CTNND2: variants seen among roughly 807,000 people sequenced by gnomAD.
CTNND2 encodes the protein catenin delta 2, also known as catenin delta-2.
A neutral mutation model predicts 144.4 loss-of-function variants in CTNND2; 22 were observed. The ratio of observed to expected loss-of-function variants is 0.15; its 90% confidence interval spans 0.11 to 0.22. The LOEUF (loss-of-function observed/expected upper bound fraction) is 0.22. Ranked by LOEUF, CTNND2 falls within the 10% of genes least tolerant of loss-of-function variation. The probability of loss-of-function intolerance (pLI) is 1.00; values close to 1 mark genes in which losing one functional copy is unlikely to be tolerated. For synonymous variants in CTNND2, 751 were observed against 695.6 expected, an observed-to-expected ratio of 1.08 and a Z score of -1.25; for missense variants, 1,353 against 1,618.8, an observed-to-expected ratio of 0.84 and a Z score of 2.82.
intron 2 of CTNND2, among the ~76,000 whole-genome samples, chr5:11,609,296 A>G (rs1307416091): frequency 6.6e-6 from 1 of 152,196 alleles, no homozygotes; most frequent in Non-Finnish European, 1.5e-5. Context: ...ATGCCTTCCT[A>G]TCTACTGTCC....
intron 3 of CTNND2, among the ~76,000 whole-genome samples, chr5:11,437,140 A>G (rs1763846462): frequency 6.6e-6 from 1 of 152,214 alleles, no homozygotes. Context: ...ATGTATTTCC[A>G]TCTTTTTAAG....
At chr5:11,553,034 A>G (rs1775902797) in intron 3 of CTNND2, among the ~76,000 whole-genome samples, 1 of 152,168 alleles carries the variant, frequency 6.6e-6, no homozygotes, top group Non-Finnish European at 1.5e-5. Flanking sequence ...AGCGTGCATG[A>G]TTTGGGCAAT....
intron 1 of CTNND2, among the ~76,000 whole-genome samples, chr5:11,770,453 AAGGAAGGAAGGGGT>A (rs1301266617): frequency 3.1e-5 from 3 of 95,822 alleles, no homozygotes; most frequent in Admixed American, 1.1e-4. Context: ...GGAAGGAAGG[AAGGAAGGAAGGGGT>A]AGGGGTAGGG....
intron 8 of CTNND2, among the ~76,000 whole-genome samples, chr5:11,348,672 A>ATTAGCC (rs1561258832): frequency 6.6e-6 from 1 of 152,204 alleles, no homozygotes; most frequent in East Asian, 1.9e-4. Flanking sequence ...CTTTTTGTTA[A>ATTAGCC]GAAAACAACA....
At chr5:11,537,657 T>G (rs540481927) in intron 3 of CTNND2, among the ~76,000 whole-genome samples, 1 of 152,090 alleles carries the variant, frequency 6.6e-6, no homozygotes, top group African/African-American at 2.4e-5. Context: ...CACACTTAGG[T>G]TGGGGAGTTG....
At chr5:11,773,286 G>A (rs7735520) in intron 1 of CTNND2, among the ~76,000 whole-genome samples, 130,720 of 152,166 alleles carry the variant, frequency 0.86, 58,991 homozygotes, top group South Asian at 0.99. Context: ...GCTTTGTGCC[G>A]TACAGGTATT....
At chr5:11,664,573 A>G (rs138062514) in intron 2 of CTNND2, among the ~76,000 whole-genome samples, 6 of 152,318 alleles carry the variant, frequency 3.9e-5, no homozygotes, top group African/African-American at 1.2e-4. Flanking sequence ...GAGTGAAACT[A>G]TATCTCAAAT....
chr5:11,088,149 AG>A (rs2149647056), intron 15 of CTNND2, among the ~76,000 whole-genome samples: 2 of 152,372 alleles, frequency 1.3e-5, no homozygotes, highest in East Asian at 3.9e-4. Flanking sequence ...ACTGGTATCT[AG>A]AAATGCCTTC....
intron 2 of CTNND2, among the ~76,000 whole-genome samples, chr5:11,700,485 G>T (rs924499532): frequency 1.3e-5 from 2 of 152,180 alleles, no homozygotes; most frequent in African/African-American, 4.8e-5. Flanking sequence ...TGGGATCAAT[G>T]ACTTAAAGAA....
intron 2 of CTNND2, among the ~76,000 whole-genome samples, chr5:11,705,545 A>C (rs893492063): frequency 6.6e-6 from 1 of 152,210 alleles, no homozygotes; most frequent in African/African-American, 2.4e-5. Context: ...TATATATCTG[A>C]GTAGTGAGAG....
chr5:11,197,814 T>C (rs1737024200), intron 11 of CTNND2, among the ~76,000 whole-genome samples: 1 of 152,186 alleles, frequency 6.6e-6, no homozygotes, highest in Non-Finnish European at 1.5e-5. Flanking sequence ...CATCTCAACC[T>C]TTGGCACGTG....
chr5:11,637,649 T>C (rs925707621), intron 2 of CTNND2, among the ~76,000 whole-genome samples: 5 of 152,192 alleles, frequency 3.3e-5, no homozygotes, highest in Non-Finnish European at 7.4e-5. Context: ...TAATGACATT[T>C]ATATTTTAGT....
At chr5:11,719,751 T>C (rs1786553633) in intron 2 of CTNND2, among the ~76,000 whole-genome samples, 1 of 151,986 alleles carries the variant, frequency 6.6e-6, no homozygotes, top group Non-Finnish European at 1.5e-5. Flanking sequence ...CTCACAGATA[T>C]TCATTCAGAT....
intron 9 of CTNND2, among the ~76,000 whole-genome samples, chr5:11,259,641 T>C (rs1278170322): frequency 1.3e-5 from 2 of 152,234 alleles, no homozygotes; most frequent in Non-Finnish European, 2.9e-5. Flanking sequence ...CAATGACATA[T>C]AGGAAGAGCT....
chr5:11,042,384 A>T (rs1744766634), intron 16 of CTNND2, among the ~76,000 whole-genome samples: 1 of 152,342 alleles, frequency 6.6e-6, no homozygotes, highest in East Asian at 1.9e-4. Context: ...TCTTGTTCTT[A>T]TGTTATACAC....
chr5:11,864,736 C>T (rs1464687444), intron 1 of CTNND2, among the ~76,000 whole-genome samples: 12 of 152,258 alleles, frequency 7.9e-5, no homozygotes, highest in Middle Eastern at 3.4e-3. Flanking sequence ...CCCTGCCATG[C>T]CTCCTCCACC....
chr5:11,052,837 A>C (rs1745975497), intron 16 of CTNND2, among the ~76,000 whole-genome samples: 1 of 152,104 alleles, frequency 6.6e-6, no homozygotes, highest in Admixed American at 6.5e-5. Context: ...GGCAACACTT[A>C]AGTAACACTA....
At chr5:11,291,134 C>T (rs760397874) in intron 9 of CTNND2, among the ~76,000 whole-genome samples, 3 of 152,116 alleles carry the variant, frequency 2.0e-5, no homozygotes, top group Admixed American at 6.6e-5. Flanking sequence ...CTCCTGACTG[C>T]GGTCCATATC....
At chr5:11,673,729 T>C (rs2126607272) in intron 2 of CTNND2, among the ~76,000 whole-genome samples, 1 of 152,182 alleles carries the variant, frequency 6.6e-6, no homozygotes, top group East Asian at 1.9e-4. Flanking sequence ...ACATGAAAAG[T>C]GAAAAGGGAA....
Sources: gnomAD v4.1 joint callset for allele counts (sites outside exome capture counted in the v4.1 genomes callset) on GRCh38, gnomAD v4.1.1 for gene constraint, MANE v1.5 for transcripts, NCBI Gene and HGNC (gene_info 2026-07-23, HGNC 2026-07-21) for gene names.